UBR1: variants seen among roughly 807,000 people sequenced by gnomAD.
The protein encoded by UBR1 is E3 ubiquitin-protein ligase UBR1.
Under a neutral mutation model 242.1 loss-of-function variants are expected in UBR1, and 102 were observed. The observed-to-expected ratio is 0.42, with a 90% CI of 0.36 to 0.50. The LOEUF is 0.50. Ranked by LOEUF, UBR1 falls within the 20% of genes least tolerant of loss-of-function variation. The pLI is 0.01. For synonymous variants in UBR1, 675 were observed against 684.8 expected (o/e 0.99, Z 0.22); for missense variants, 1,772 against 2,101.8 (o/e 0.84, Z 3.07).
At chr15:43,081,357 T>C (rs2033971820) in intron 3 of UBR1, among the ~76,000 whole-genome samples, 1 of 135,736 alleles carries the variant, frequency 7.4e-6, no homozygotes. Context: ...GCGGACGTTG[T>C]GGTGAGCCGA....
At chr15:43,058,700 T>C (rs1419982729) in intron 9 of UBR1, among the ~76,000 whole-genome samples, 1 of 152,242 alleles carries the variant, frequency 6.6e-6, no homozygotes, top group Non-Finnish European at 1.5e-5. Flanking sequence ...TCTATTTCAC[T>C]GTACTTTTCC....
intron 1 of UBR1, among the ~76,000 whole-genome samples, chr15:43,096,685 A>G (rs1252001974): frequency 1.3e-5 from 2 of 152,228 alleles, no homozygotes; most frequent in Non-Finnish European, 2.9e-5. Context: ...CTTCACCAAA[A>G]GTAGATTCCA....
intron 17 of UBR1, 81 bp from the exon 18 acceptor site, chr15:43,036,674 C>T (rs2033340476): frequency 2.0e-6 from 2 of 1,008,084 alleles, no homozygotes; most frequent in East Asian, 2.4e-5. Flanking sequence ...ATCCTTAAAA[C>T]TTTCTCTAAG....
chr15:42,993,158 GT>G (rs2032582073), intron 33 of UBR1, among the ~76,000 whole-genome samples: 1 of 152,154 alleles, frequency 6.6e-6, no homozygotes, highest in Non-Finnish European at 1.5e-5. Flanking sequence ...TTGTTGTACA[GT>G]TCTAGGACTC....
chr15:42,952,578 A>G (rs377623264), intron 44 of UBR1, 130 bp from the exon 45 acceptor site: 18 of 1,006,296 alleles, frequency 1.8e-5, no homozygotes, highest in Middle Eastern at 2.6e-4. Flanking sequence ...CTCTTAAAAC[A>G]CAAGGAAACA....
At chr15:43,091,141 T>G (rs2034101385) in intron 1 of UBR1, among the ~76,000 whole-genome samples, 1 of 152,128 alleles carries the variant, frequency 6.6e-6, no homozygotes, top group Non-Finnish European at 1.5e-5. Flanking sequence ...TTTTTCCATG[T>G]TGGTGAGGCT....
intron 29 of UBR1, among the ~76,000 whole-genome samples, chr15:43,012,250 A>G (rs2032934871): frequency 6.6e-6 from 1 of 151,924 alleles, no homozygotes; most frequent in African/African-American, 2.4e-5. Context: ...AAGAATCTAC[A>G]TTATAGAGTG....
At position 43,036,733 on chromosome 15, in the gene UBR1, T is replaced by C. The variant is rs543553467; in HGVS notation, c.2023-140A>G. 129 of 627,356 alleles carry C rather than the reference T, an allele frequency of 2.1e-4. No individual in the cohort carries two copies. In the African/African-American group the frequency reaches 2.2e-3, roughly 11 times the overall value. The allele number at this position is 627,356 out of a possible 1,614,324, so 38.9% of individuals were successfully genotyped here. A position where few individuals can be genotyped will look rare whatever the true frequency, so the allele number is the denominator to read the frequency against. Reference sequence around the variant, plus strand: ...GTGGCAAAAATAAGTTGTAAATCTATGAATCACTTAAAGGGACTAGCGAGG... The same window carrying C: ...GTGGCAAAAATAAGTTGTAAATCTACGAATCACTTAAAGGGACTAGCGAGG... On this transcript the variant is annotated intron_variant, in intron 17 of 46. Coordinates refer to ENST00000290650, the MANE Select transcript of UBR1 (RefSeq NM_174916.3).
Position 43,003,901 on chromosome 15 carries a change from C to A in UBR1, c.3445G>T (p.Asp1149Tyr). 6.2e-7 allele frequency: 1 copy of A among 1,614,052 alleles called. No homozygotes were observed. The highest frequency in any genetic ancestry group is 1.1e-5 in the South Asian group (1 of 91,072). Residue 1149 changes from aspartate (D) to tyrosine (Y), a missense_variant, in exon 31 of 47, where the codon GAC becomes TAC. By Grantham distance (160) the Asp-to-Tyr change is radical. This residue lies in a region of UBR1 where 965 missense variants were observed against 1,079.7 expected (regional missense o/e 0.89). Coordinates refer to ENST00000290650, the MANE Select transcript of UBR1 (RefSeq NM_174916.3). ...EALDPLFMDP[D>Y]LAYGTYTGSC... ...CCTGTATAAGTTCCATATGCCAAGT[C>A]TGGATCCATGAAAAGTGGGTCTAGG...
intron 6 of UBR1, among the ~76,000 whole-genome samples, chr15:43,060,931 T>G (rs2033675788): frequency 7.8e-6 from 1 of 128,668 alleles, no homozygotes; most frequent in African/African-American, 2.5e-5. Context: ...CCAGTAAGGT[T>G]GCCATTACAG....
Position 43,085,966 on chromosome 15 carries a change from T to C in UBR1, c.338+18A>G. ...ATTTTAATAATTATAATCAATCCTG[T>C]AAATTTCTAATTCTTACCTGCAAGA... is the stretch of plus-strand genomic sequence containing the variant. On this transcript the variant is annotated intron_variant, in intron 2 of 46. Transcript: ENST00000290650. 1 of 1,609,860 alleles carries C rather than the reference T, an allele frequency of 6.2e-7. No individual in the cohort carries two copies. The highest frequency in any genetic ancestry group is 1.3e-5 in the African/African-American group (1 of 74,658).
chr15:42,982,268 G>T (rs982512243), intron 37 of UBR1, among the ~76,000 whole-genome samples: 1 of 152,142 alleles, frequency 6.6e-6, no homozygotes, highest in Non-Finnish European at 1.5e-5. Context: ...AATTATGACT[G>T]AAATGAAAAA....
At chr15:42,980,258 G>T (rs4509988) in intron 37 of UBR1, among the ~76,000 whole-genome samples, 125,668 of 152,164 alleles carry the variant, frequency 0.83, 52,372 homozygotes, top group Non-Finnish European at 0.89. Flanking sequence ...TTAAAATTCT[G>T]TTGAAATCAA....
rs1364529903 is a variant in UBR1 at position 42,970,557 on chromosome 15, A to T, written c.4420T>A (p.Ser1474Thr). 1.2e-6 allele frequency: 2 copies of T among 1,613,862 alleles called. No homozygotes were observed. The highest frequency in any genetic ancestry group is 2.2e-5 in the South Asian group (2 of 91,086). Residue 1474 changes from serine to threonine, a missense_variant, in exon 40 of 47, where the codon TCT becomes ACT. Ser to Thr is a moderately conservative substitution (Grantham distance 58). Coordinates refer to ENST00000290650, the MANE Select transcript of UBR1 (RefSeq NM_174916.3). ...TGAGAAATTTCTGCAAAGAAAGAAGATGCGGAATGAGCCTCTTCACTGTCT... is the reference window on the plus strand; with the variant it reads ...TGAGAAATTTCTGCAAAGAAAGAAGTTGCGGAATGAGCCTCTTCACTGTCT... ...QEDSEEAHSA[S>T]SFFAEISQYT...
chr15:43,062,771 A>G (rs936965606), intron 6 of UBR1, among the ~76,000 whole-genome samples: 1 of 152,094 alleles, frequency 6.6e-6, no homozygotes, highest in African/African-American at 2.4e-5. Flanking sequence ...TAATGACCAA[A>G]AAATACAGGG....
intron 30 of UBR1, among the ~76,000 whole-genome samples, chr15:43,004,211 G>A (rs956118256): frequency 2.0e-5 from 3 of 152,114 alleles, no homozygotes; most frequent in Admixed American, 2.0e-4. Context: ...TTATTTAAGT[G>A]ATCTTCTATG....
intron 12 of UBR1, 23 bp downstream of exon 12, chr15:43,054,714 CCCTCA>C (rs2033595609): frequency 6.8e-6 from 11 of 1,612,954 alleles, no homozygotes; most frequent in Non-Finnish European, 7.6e-6. Context: ...TTAACAGGTG[CCCTCA>C]CCTTTTGACT....
chr15:42,999,968 GT>G (rs923106805), intron 32 of UBR1, among the ~76,000 whole-genome samples: 4 of 151,810 alleles, frequency 2.6e-5, no homozygotes, highest in African/African-American at 4.8e-5. Context: ...GACCTAAGAA[GT>G]TTTTTTTGTT....
chr15:43,004,648 C>G lies in UBR1; in HGVS notation c.3416-718G>C, dbSNP rs548451977. On this transcript the variant is annotated intron_variant, in intron 30 of 46. Coordinates refer to ENST00000290650, the MANE Select transcript of UBR1 (RefSeq NM_174916.3). Reference sequence around the variant, plus strand: ...TGCCTGCCTCAGCCTCCCGAGGTGCCGGGATTGCAGACGGAGTCTCGCTCA... The same window carrying G: ...TGCCTGCCTCAGCCTCCCGAGGTGCGGGGATTGCAGACGGAGTCTCGCTCA... Among the ~76,000 whole-genome samples, 10 of 152,338 alleles carry G rather than the reference C, an allele frequency of 6.6e-5. No homozygotes were observed. The South Asian group carries it at 1.7e-3, about 25-fold the overall frequency.
Sources: gnomAD v4.1 joint callset for allele counts (sites outside exome capture counted in the v4.1 genomes callset) on GRCh38, gnomAD v4.1.1 for gene constraint, gnomAD v4.1.1 regional missense constraint, MANE v1.5 for transcripts, NCBI Gene and HGNC (gene_info 2026-07-23, HGNC 2026-07-21) for gene names.